The following SESTD1 variants were observed in gnomAD, a reference collection of about 807,000 sequenced individuals.
The protein encoded by SESTD1 is SEC14 domain and spectrin repeat-containing protein 1.
A neutral mutation model predicts 101.7 loss-of-function variants in SESTD1; 43 were observed. That is an observed-to-expected ratio of 0.42 (90% confidence interval 0.33 to 0.55). SESTD1 has a LOEUF of 0.55. SESTD1 is among the 20% of genes least tolerant of loss of function. SESTD1 has a pLI of 0.07. For synonymous variants in SESTD1, 283 were observed against 286.8 expected, an observed-to-expected ratio of 0.99 and a Z score of 0.13; for missense variants, 647 against 815.1, an observed-to-expected ratio of 0.79 and a Z score of 2.51.
At chr2:179,185,316 TATATA>T in intron 2 of SESTD1, among the ~76,000 whole-genome samples, 1 of 148,510 alleles carries the variant, frequency 6.7e-6, no homozygotes, top group East Asian at 2.0e-4. Context: ...CAGAGTATAA[TATATA>T]ATATAGCATA....
chr2:179,243,977 C>A (rs1202212030), intron 1 of SESTD1, among the ~76,000 whole-genome samples: 1 of 150,630 alleles, frequency 6.6e-6, no homozygotes, highest in Non-Finnish European at 1.5e-5. Flanking sequence ...CACACACACA[C>A]ACACAAATGA....
chr2:179,251,697 A>G (rs1465377627), intron 1 of SESTD1, among the ~76,000 whole-genome samples: 1 of 152,214 alleles, frequency 6.6e-6, no homozygotes, highest in Admixed American at 6.5e-5. Context: ...TTGGTAGGTG[A>G]TTAGTTCATC....
Position 179,183,148 on chromosome 2 carries a change from T to G in SESTD1, c.96A>C (p.Pro32=). Residue 32 remains proline (P), a synonymous_variant, in exon 3 of 18, where the codon CCA becomes CCC. Transcript: ENST00000428443. The stretch of plus-strand genomic sequence containing the variant: ...CCATATTTGTCTGTTCGAGGCATAA[T>G]GGAATTGTCAAAATGAGGCCACTCC... The part of the protein sequence containing the change: ...DRRSGLILTI[P]LCLEQTNMDE... 6.2e-7 allele frequency: 1 copy of G among 1,612,100 alleles called. No homozygotes were observed. The highest frequency in any genetic ancestry group is 8.5e-7 in the Non-Finnish European group (1 of 1,179,002).
At chr2:179,245,203 T>C (rs1356066098) in intron 1 of SESTD1, among the ~76,000 whole-genome samples, 2 of 151,898 alleles carry the variant, frequency 1.3e-5, no homozygotes, top group Non-Finnish European at 2.9e-5. Context: ...AGACCCTGTC[T>C]CTACAAAATA....
chr2:179,182,414 T>C (rs1032878714), intron 3 of SESTD1, among the ~76,000 whole-genome samples: 5 of 152,144 alleles, frequency 3.3e-5, no homozygotes, highest in South Asian at 2.1e-4. Context: ...GATCAGAATC[T>C]CTGGAAGTGA....
rs373353393 is a variant in SESTD1 at position 179,211,816 on chromosome 2, G to A, written c.-25-19950C>T. ...AGTGGGAGCTAAGATATGAGGATAC[G>A]AAGGCAGGAGAATGATATAATGGAC... On this transcript the variant is annotated intron_variant, in intron 1 of 17. Coordinates refer to ENST00000428443, the MANE Select transcript of SESTD1 (RefSeq NM_178123.5). 3.8e-5 allele frequency among the ~76,000 whole-genome samples: 5 copies of A among 130,812 alleles called. 1 individual carries two copies. The highest frequency in any genetic ancestry group is 2.0e-4 in the East Asian group (1 of 4,904). The allele number at this position is 130,812 out of a possible 152,430, so 85.8% of individuals were successfully genotyped here.
intron 12 of SESTD1, among the ~76,000 whole-genome samples, chr2:179,122,749 AGCC>A: frequency 6.6e-6 from 1 of 152,082 alleles, no homozygotes; most frequent in African/African-American, 2.4e-5. Flanking sequence ...TACAAAAATT[AGCC>A]GGGCGTGGTG....
At chr2:179,136,374 C>A (rs2045145035) in intron 9 of SESTD1, among the ~76,000 whole-genome samples, 1 of 152,164 alleles carries the variant, frequency 6.6e-6, no homozygotes, top group South Asian at 2.1e-4. Context: ...CTGCATTTTA[C>A]AATAACAACC....
In SESTD1 at chr2:179,117,601, C is replaced by T. The variant is rs777569239; in HGVS notation, c.1455G>A (p.Met485Ile). 1 of 1,574,696 alleles carries T rather than the reference C, an allele frequency of 6.4e-7. No individual in the cohort carries two copies. Among genetic ancestry groups the T allele is most frequent in the South Asian group, 1.2e-5 (1 of 82,802 alleles). The part of the protein sequence containing the change: ...MQLRKQRCED[M>I]VDVRRLKMLQ... ...GCATCTTTAACCTTCGCACATCTAC[C>T]ATGTCTTCACATCTAATGAACCCAA... The change falls in exon 14 of 18, where the codon ATG becomes ATA. Residue 485 changes from methionine to isoleucine, a missense_variant. Transcript: ENST00000428443.
chr2:179,195,913 A>G (rs1559139142), intron 1 of SESTD1, among the ~76,000 whole-genome samples: 1 of 152,060 alleles, frequency 6.6e-6, no homozygotes, highest in Admixed American at 6.6e-5. Context: ...GTCCTAAAAT[A>G]GAATAACTGG....
intron 1 of SESTD1, among the ~76,000 whole-genome samples, chr2:179,225,512 A>C (rs2046872472): frequency 6.6e-6 from 1 of 152,134 alleles, no homozygotes; most frequent in Admixed American, 6.6e-5. Flanking sequence ...TGGGTATTTT[A>C]ATCTGTTCAT....
chr2:179,126,548 A>G (rs2044878656), intron 10 of SESTD1, among the ~76,000 whole-genome samples: 1 of 152,164 alleles, frequency 6.6e-6, no homozygotes. Flanking sequence ...ATGCCTTTAA[A>G]TAGATCTATA....
intron 1 of SESTD1, among the ~76,000 whole-genome samples, chr2:179,262,580 G>C (rs2047498714): frequency 1.3e-5 from 2 of 152,024 alleles, no homozygotes; most frequent in Admixed American, 1.3e-4. Context: ...CAGATGAATG[G>C]TATTTTTAGT....
At chr2:179,243,372 AG>A (rs2047182484) in intron 1 of SESTD1, among the ~76,000 whole-genome samples, 1 of 152,240 alleles carries the variant, frequency 6.6e-6, no homozygotes, top group Non-Finnish European at 1.5e-5. Flanking sequence ...AACTTAAAAC[AG>A]GACTACCATT....
intron 10 of SESTD1, among the ~76,000 whole-genome samples, chr2:179,129,282 C>CT (rs2154394262): frequency 6.6e-6 from 1 of 152,302 alleles, no homozygotes; most frequent in South Asian, 2.1e-4. Flanking sequence ...CACGCTTTTC[C>CT]TACCACACAC....
chr2:179,144,946 G>A (rs1281292793), intron 8 of SESTD1, among the ~76,000 whole-genome samples: 1 of 151,972 alleles, frequency 6.6e-6, no homozygotes, highest in Non-Finnish European at 1.5e-5. Context: ...TATTTTTACT[G>A]ACAGTCTATT....
rs1002052671 is a variant in SESTD1 at position 179,105,679 on chromosome 2, T to C, written c.*4220A>G. The C allele has an allele frequency of 3.3e-5, 5 of 152,168 alleles. No homozygotes were observed. The highest frequency in any genetic ancestry group is 1.2e-4 in the African/African-American group (5 of 41,432). The allele number at this position is 152,168 out of a possible 1,614,324, so 9.4% of individuals were successfully genotyped here. On this transcript the variant is annotated 3_prime_UTR_variant, in exon 18 of 18. Transcript: ENST00000428443. ...ATTATAGCAATGATACCTTCCATTC[T>C]GTTTATTTCTGGATATTTTGGCTTC...
intron 5 of SESTD1, among the ~76,000 whole-genome samples, chr2:179,157,128 G>T (rs1458780186): frequency 6.6e-6 from 1 of 151,846 alleles, no homozygotes. Context: ...TACATTAGCT[G>T]CAAAAAAATA....
chr2:179,210,203 T>G lies in SESTD1; in HGVS notation c.-25-18337A>C, dbSNP rs762295460. 3.7e-5 allele frequency among the ~76,000 whole-genome samples: 5 copies of G among 133,934 alleles called. 1 individual carries two copies. Among genetic ancestry groups the G allele is most frequent in the Non-Finnish European group, 8.0e-5 (5 of 62,286 alleles). The allele number at this position is 133,934 out of a possible 152,430, so 87.9% of individuals were successfully genotyped here. The stretch of plus-strand genomic sequence containing the variant: ...AAGATTGAAACAGTAATTTAAAAAT[T>G]CCAACGAAAGAAGTTGAGGACTAGA... On this transcript the variant is annotated intron_variant, in intron 1 of 17. Coordinates refer to ENST00000428443, the MANE Select transcript of SESTD1 (RefSeq NM_178123.5).
Sources: allele counts gnomAD v4.1 joint callset (sites outside exome capture counted in the v4.1 genomes callset), GRCh38; gene constraint gnomAD v4.1.1; transcripts MANE v1.5; gene names NCBI Gene and HGNC (gene_info 2026-07-23, HGNC 2026-07-21).